Variants in ZFYVE27 observed in about 807,000 individuals in gnomAD.
The protein encoded by ZFYVE27 is zinc finger FYVE-type containing 27.
ZFYVE27 carries 36 observed loss-of-function variants against 52.8 expected under a neutral mutation model. That is an observed-to-expected ratio of 0.68 (90% CI 0.52 to 0.90). The LOEUF (loss-of-function observed/expected upper bound fraction) is 0.90, where lower values mean the gene tolerates loss of function less well. Ranked by LOEUF, ZFYVE27 falls within the 40% of genes least tolerant of loss-of-function variation. The probability of loss-of-function intolerance (pLI) is 0.00; values close to 1 mark genes in which losing one functional copy is unlikely to be tolerated. For synonymous variants in ZFYVE27, 223 were observed against 215.6 expected, an observed-to-expected ratio of 1.03 and a Z score of -0.30; for missense variants, 450 against 527.2, an observed-to-expected ratio of 0.85 and a Z score of 1.43.
At chr10:97,748,512 T>C (rs2046064839) in intron 5 of ZFYVE27, 148 bp downstream of exon 5, 1 of 722,022 alleles carries the variant, frequency 1.4e-6, no homozygotes, top group Non-Finnish European at 2.4e-6. Flanking sequence ...TCTGCACATA[T>C]GCTTGCGGGC....
In ZFYVE27 at chr10:97,749,537, C is replaced by A. The variant is rs1392054457; in HGVS notation, c.615C>A (p.Leu205=). ...MLYLLPLCWV[L]TLLNSTLFLG... is the part of the protein sequence containing the mutation. ...ATTTGCTGCCACTCTGCTGGGTTCTCACCCTTTTAAACAGCACGCTCTTTC... is the reference window on the plus strand; with the variant it reads ...ATTTGCTGCCACTCTGCTGGGTTCTAACCCTTTTAAACAGCACGCTCTTTC... The change falls in exon 6 of 13, where the codon CTC becomes CTA. Residue 205 remains leucine (L), a synonymous_variant. Coordinates refer to ENST00000684270, the MANE Select transcript of ZFYVE27 (RefSeq NM_001385875.1). 1.9e-6 allele frequency: 3 copies of A among 1,614,208 alleles called. No homozygotes were observed. The African/African-American group carries it at 4.0e-5, about 22-fold the overall frequency.
In ZFYVE27 at chr10:97,760,608, ACT is replaced by A. The variant is rs942723991; in HGVS notation, c.*1310_*1311del. ...CATGAGGGGGCTGAGAGGTTTCTAC[ACT>A]CGAGGAGCAGGGGTCCAGAGAGGCA... On this transcript the variant is annotated 3_prime_UTR_variant, in exon 13 of 13. Coordinates refer to ENST00000684270, the MANE Select transcript of ZFYVE27 (RefSeq NM_001385875.1). The A allele has an allele frequency of 6.6e-6, 1 of 152,046 alleles. No individual in the cohort carries two copies. The highest frequency in any genetic ancestry group is 1.5e-5 in the Non-Finnish European group (1 of 68,088). The allele number at this position is 152,046 out of a possible 1,614,324, so 9.4% of individuals were successfully genotyped here. A position where few individuals can be genotyped will look rare whatever the true frequency, so the allele number is the denominator to read the frequency against.
At chr10:97,755,264 G>C (rs1169644029) in intron 10 of ZFYVE27, among the ~76,000 whole-genome samples, 1 of 152,236 alleles carries the variant, frequency 6.6e-6, no homozygotes, top group Non-Finnish European at 1.5e-5. Context: ...TAGCAGCTCT[G>C]CTCCTGCGGC....
chr10:97,753,908 G>A (rs1376183086), intron 10 of ZFYVE27, among the ~76,000 whole-genome samples: 1 of 152,202 alleles, frequency 6.6e-6, no homozygotes, highest in Non-Finnish European at 1.5e-5. Flanking sequence ...GGGGGAGAGC[G>A]GTCAAGGAAG....
intron 10 of ZFYVE27, chr10:97,754,707 T>C: frequency 7.8e-7 from 1 of 1,289,392 alleles, no homozygotes; most frequent in South Asian, 1.2e-5. Context: ...ATGTGTGATC[T>C]CATTTCATCC....
intron 6 of ZFYVE27, 180 bp from the exon 7 acceptor site, chr10:97,750,151 G>A (rs886997618): frequency 1.5e-6 from 1 of 670,434 alleles, no homozygotes; most frequent in Non-Finnish European, 2.6e-6. Context: ...TGGGGCAGGT[G>A]GTGGTATCTA....
intron 2 of ZFYVE27, among the ~76,000 whole-genome samples, chr10:97,741,580 CAG>C (rs1249854318): frequency 3.3e-5 from 5 of 151,924 alleles, no homozygotes; most frequent in Admixed American, 2.0e-4. Flanking sequence ...CACATGGACA[CAG>C]GGAGGGGAAC....
At position 97,744,848 on chromosome 10, in the gene ZFYVE27, G is replaced by T; in HGVS notation, c.388G>T (p.Val130Leu). 1 of 1,613,046 alleles carries T rather than the reference G, an allele frequency of 6.2e-7. No individual in the cohort carries two copies. Among genetic ancestry groups the T allele is most frequent in the Non-Finnish European group, 8.5e-7 (1 of 1,179,608 alleles). The change falls in exon 4 of 13, where the codon GTG becomes TTG. Residue 130 changes from valine (V) to leucine (L), a missense_variant. Val to Leu is a conservative substitution (Grantham distance 32). Transcript: ENST00000684270. ...GCTGATGCGGAGGAAGTATCATAGCGTGAGGCAGGAGGACCTGCAGAGAGG... is the reference window on the plus strand; with the variant it reads ...GCTGATGCGGAGGAAGTATCATAGCTTGAGGCAGGAGGACCTGCAGAGAGG... Reference protein sequence around the residue: ...SELMRRKYHSVRQEDLQRGRL... With the variant: ...SELMRRKYHSLRQEDLQRGRL...
intron 10 of ZFYVE27, 120 bp downstream of exon 10, chr10:97,753,302 A>C: frequency 7.0e-7 from 1 of 1,434,472 alleles, no homozygotes; most frequent in Non-Finnish European, 9.4e-7. Flanking sequence ...ACTTGTGACA[A>C]GAGCAGGGAG....
chr10:97,747,251 G>A (rs555702846), intron 4 of ZFYVE27, among the ~76,000 whole-genome samples: 33 of 152,264 alleles, frequency 2.2e-4, no homozygotes, highest in African/African-American at 7.9e-4. Flanking sequence ...CGTATCAGGA[G>A]GCACCTGATG....
chr10:97,745,005 AG>A, intron 4 of ZFYVE27, 90 bp downstream of exon 4: 1 of 1,419,730 alleles, frequency 7.0e-7, no homozygotes. Flanking sequence ...ACATCATATT[AG>A]GCAAACCACA....
intron 6 of ZFYVE27, 99 bp downstream of exon 6, chr10:97,749,685 C>A: frequency 9.9e-7 from 1 of 1,006,554 alleles, no homozygotes; most frequent in Non-Finnish European, 1.6e-6. Context: ...CATCAGTTTG[C>A]TGTGCTTCCA....
At chr10:97,748,865 A>T (rs1217253297) in intron 5 of ZFYVE27, among the ~76,000 whole-genome samples, 1 of 152,244 alleles carries the variant, frequency 6.6e-6, no homozygotes, top group Non-Finnish European at 1.5e-5. Flanking sequence ...ACCCCATGGT[A>T]AACATTTTTA....
At chr10:97,739,885 G>T (rs1415414138) in intron 2 of ZFYVE27, among the ~76,000 whole-genome samples, 18 of 137,270 alleles carry the variant, frequency 1.3e-4, no homozygotes, top group East Asian at 2.2e-4. Context: ...TTAGAAAAGT[G>T]TTTTTTTTTT....
At chr10:97,741,305 A>G (rs1200223548) in intron 2 of ZFYVE27, among the ~76,000 whole-genome samples, 1 of 152,244 alleles carries the variant, frequency 6.6e-6, no homozygotes, top group African/African-American at 2.4e-5. Flanking sequence ...GTAAAGACAC[A>G]TGCACATGTA....
At chr10:97,744,026 GT>G (rs1345673557) in intron 3 of ZFYVE27, among the ~76,000 whole-genome samples, 2 of 152,158 alleles carry the variant, frequency 1.3e-5, no homozygotes, top group African/African-American at 4.8e-5. Context: ...GATTGAGTAG[GT>G]TGAAAATAAA....
At position 97,750,420 on chromosome 10, in the gene ZFYVE27, G is replaced by C. The variant is rs991968711; in HGVS notation, c.754G>C (p.Gly252Arg). The C allele has an allele frequency of 1.2e-6, 2 of 1,614,098 alleles. No individual in the cohort carries two copies. The highest frequency in any genetic ancestry group is 1.7e-6 in the Non-Finnish European group (2 of 1,180,008). The change falls in exon 7 of 13, where the codon GGG (glycine) becomes CGG (arginine). Residue 252 changes from glycine (G) to arginine (R), a missense_variant. By Grantham distance (125) the Gly-to-Arg change is moderately radical. Transcript: ENST00000684270. ...AFESPPPPDVGGKDGLMDSTP... is the reference protein window; with the variant it reads ...AFESPPPPDVRGKDGLMDSTP... The stretch of plus-strand genomic sequence containing the variant: ...TGAGAGTCCTCCACCACCAGATGTT[G>C]GGGGGAAGGATGGTCTGATGGACAG...
chr10:97,741,070 G>A, intron 2 of ZFYVE27, among the ~76,000 whole-genome samples: 1 of 152,224 alleles, frequency 6.6e-6, no homozygotes, highest in Admixed American at 6.5e-5. Flanking sequence ...TACAGGTGGA[G>A]TGTGTTGAAT....
At position 97,751,437 on chromosome 10, in the gene ZFYVE27, A is replaced by G; in HGVS notation, c.851A>G (p.Asp284Gly). 5.6e-6 allele frequency: 9 copies of G among 1,613,962 alleles called. No homozygotes were observed. Among genetic ancestry groups the G allele is most frequent in the Non-Finnish European group, 7.6e-6 (9 of 1,179,874 alleles). Residue 284 changes from aspartate to glycine, a missense_variant, in exon 8 of 13, where the codon GAT becomes GGT. Coordinates refer to ENST00000684270, the MANE Select transcript of ZFYVE27 (RefSeq NM_001385875.1). ...GAGGAGGCTGAGGAGGCTGAGCCAG[A>G]TGAAGAGTTTAAAGATGCGATTGAG... ...SVEEAEEAEP[D>G]EEFKDAIEET...
Sources: gnomAD v4.1 joint callset for allele counts (sites outside exome capture counted in the v4.1 genomes callset) on GRCh38, gnomAD v4.1.1 for gene constraint, MANE v1.5 for transcripts, NCBI Gene and HGNC (gene_info 2026-07-23, HGNC 2026-07-21) for gene names.